GPR137B: variants seen among roughly 807,000 people sequenced by gnomAD.
GPR137B encodes the protein G protein-coupled receptor 137B.
A neutral mutation model predicts 42.5 loss-of-function variants in GPR137B; 42 were observed. The observed-to-expected ratio is 0.99, with a 90% CI of 0.77 to 1.28. GPR137B has a LOEUF of 1.28. GPR137B is among the 50% of genes most tolerant of loss of function. The probability of loss-of-function intolerance (pLI) is 0.00; values close to 1 mark genes in which losing one functional copy is unlikely to be tolerated. For synonymous variants in GPR137B, 218 were observed against 209.7 expected (o/e 1.04, Z -0.34); for missense variants, 487 against 493.9 (o/e 0.99, Z 0.13).
chr1:236,205,093 G>T (rs776735600), intron 5 of GPR137B, 33 bp from the exon 6 acceptor site: 66 of 1,564,074 alleles, frequency 4.2e-5, no homozygotes, highest in Non-Finnish European at 5.3e-5. Context: ...CATGATGTCT[G>T]TAAGTATGCT....
At chr1:236,158,244 T>C (rs1662089631) in intron 1 of GPR137B, among the ~76,000 whole-genome samples, 2 of 152,160 alleles carry the variant, frequency 1.3e-5, no homozygotes, top group African/African-American at 2.4e-5. Flanking sequence ...GCCAAAATGG[T>C]GAAACCCCTG....
At chr1:236,196,366 C>T (rs1663332172) in intron 5 of GPR137B, among the ~76,000 whole-genome samples, 3 of 152,190 alleles carry the variant, frequency 2.0e-5, no homozygotes, top group African/African-American at 7.2e-5. Flanking sequence ...TCTCGAACTC[C>T]TGACCTCAAG....
Position 236,180,044 on chromosome 1 carries a change from G to T in GPR137B, c.837+16G>T, listed in dbSNP as rs765921552. On this transcript the variant is annotated intron_variant, in intron 4 of 6. Transcript: ENST00000366592. ...ATCAGACCAGGTCAGTGGGGGCGCT[G>T]AGGAGGTGTCACCTGACCAGGGACT... is the stretch of plus-strand genomic sequence containing the variant. 31 of 1,609,712 alleles carry T rather than the reference G, an allele frequency of 1.9e-5. No homozygotes were observed. Among genetic ancestry groups the T allele is most frequent in the Non-Finnish European group, 2.6e-5 (31 of 1,175,982 alleles).
rs1196290988 is a variant in GPR137B, at chr1:236,205,164, C to T, written c.1005C>T (p.Pro335=). The change falls in exon 6 of 7, where the codon CCC becomes CCT. Residue 335 remains proline (P), a synonymous_variant. Transcript: ENST00000366592. The stretch of plus-strand genomic sequence containing the variant: ...TGGTCCCCAGCCATGGATTCAGTCC[C>T]AGATCTTATTTCTTTGACAACCCTC... ...PGMVPSHGFS[P]RSYFFDNPRR... is the part of the protein sequence containing the mutation. The T allele has an allele frequency of 6.2e-7, 1 of 1,613,026 alleles. No individual in the cohort carries two copies.
At chr1:236,165,211 C>G (rs966298695) in intron 1 of GPR137B, among the ~76,000 whole-genome samples, 1 of 152,168 alleles carries the variant, frequency 6.6e-6, no homozygotes, top group Non-Finnish European at 1.5e-5. Flanking sequence ...AGCCTGAATT[C>G]AAGATATATT....
chr1:236,184,008 C>T (rs1318638580), intron 5 of GPR137B, 102 bp downstream of exon 5: 7 of 735,944 alleles, frequency 9.5e-6, no homozygotes, highest in South Asian at 6.2e-5. Flanking sequence ...GAGCCTCTTC[C>T]TTTTGTGGTG....
chr1:236,181,313 C>G (rs971179008), intron 4 of GPR137B, among the ~76,000 whole-genome samples: 2 of 151,862 alleles, frequency 1.3e-5, no homozygotes, highest in East Asian at 3.9e-4. Context: ...AATGAACCAC[C>G]ATTCACTCAT....
intron 4 of GPR137B, among the ~76,000 whole-genome samples, chr1:236,181,333 A>T (rs779704596): frequency 8.8e-5 from 13 of 148,456 alleles, no homozygotes; most frequent in East Asian, 1.9e-4. Flanking sequence ...TTTGACAAAC[A>T]GCATTTTTTT....
rs762328576 is a variant in GPR137B at position 236,208,579 on chromosome 1, T to A, written c.*421T>A. On this transcript the variant is annotated 3_prime_UTR_variant, in exon 7 of 7. Transcript: ENST00000366592. ...TTTTTAAAGCTTTTGGACTAAAGTA[T>A]TCCACAAATCTTACCTCTTTAGGTC... is the stretch of plus-strand genomic sequence containing the variant. The A allele has an allele frequency of 1.1e-5, 11 of 965,588 alleles. No individual in the cohort carries two copies. The East Asian group carries it at 6.8e-4, about 60-fold the overall frequency. The allele number at this position is 965,588 out of a possible 1,614,324, so 59.8% of individuals were successfully genotyped here. A position where few individuals can be genotyped will look rare whatever the true frequency, so the allele number is the denominator to read the frequency against.
Position 236,179,954 on chromosome 1 carries a change from C to T in GPR137B, c.763C>T (p.Leu255=). 1 of 1,612,398 alleles carries T rather than the reference C, an allele frequency of 6.2e-7. No individual in the cohort carries two copies. Among genetic ancestry groups the T allele is most frequent in the South Asian group, 1.1e-5 (1 of 90,990 alleles). The change falls in exon 4 of 7, where the codon CTG becomes TTG. Residue 255 remains leucine, a synonymous_variant. Transcript: ENST00000366592. The stretch of plus-strand genomic sequence containing the variant: ...TTACACCTCTCGGGCCTGCTACAAC[C>T]TGTTCATCCTGTCATTTTCTCAGAA... ...LLYTSRACYN[L]FILSFSQNKS... is the part of the protein sequence containing the mutation.
intron 2 of GPR137B, among the ~76,000 whole-genome samples, chr1:236,173,098 G>A (rs958053803): frequency 6.6e-6 from 1 of 151,458 alleles, no homozygotes; most frequent in Non-Finnish European, 1.5e-5. Context: ...TTCAAGACCA[G>A]CCGTGACAAC....
Position 236,169,837 on chromosome 1 carries a change from C to T in GPR137B, c.464+1082C>T, listed in dbSNP as rs1662479586. On this transcript the variant is annotated intron_variant, in intron 2 of 6. Coordinates refer to ENST00000366592, the MANE Select transcript of GPR137B (RefSeq NM_003272.4). ...GGCTGATCACTTGAGGTCAGGAGTT[C>T]GAGACCAGCCTGGCCAACATAGTGA... is the stretch of plus-strand genomic sequence containing the variant. Among the ~76,000 whole-genome samples the T allele has an allele frequency of 2.6e-5, 4 of 151,922 alleles. No homozygotes were observed. The South Asian group carries it at 6.2e-4, about 24-fold the overall frequency.
chr1:236,169,137 T>C (rs1351435993), intron 2 of GPR137B, among the ~76,000 whole-genome samples: 1 of 152,104 alleles, frequency 6.6e-6, no homozygotes, highest in Non-Finnish European at 1.5e-5. Context: ...TGCCAGGTGC[T>C]TCCCCTTCCC....
At position 236,171,908 on chromosome 1, in the gene GPR137B, G is replaced by C. The variant is rs372181681; in HGVS notation, c.464+3153G>C. Among the ~76,000 whole-genome samples, 118 of 152,134 alleles carry C rather than the reference G, an allele frequency of 7.8e-4. 3 individuals carry two copies. The South Asian group carries it at 0.024, about 31-fold the overall frequency. On this transcript the variant is annotated intron_variant, in intron 2 of 6. Transcript: ENST00000366592. This position sits in a 1 kb window ranked among gnomAD's most constrained non-coding sequence, Gnocchi z 4.4. ...ACAAAAATTAGCCAGGCATGATGGC[G>C]CATGCCTGTAATCCCAGCTACTTGG...
chr1:236,205,566 G>T (rs148597577), intron 6 of GPR137B, among the ~76,000 whole-genome samples: 2 of 152,114 alleles, frequency 1.3e-5, no homozygotes, highest in East Asian at 3.9e-4. Flanking sequence ...TGGAGATAGG[G>T]TCTCACTCTG....
At chr1:236,153,623 C>T (rs969453380) in intron 1 of GPR137B, among the ~76,000 whole-genome samples, 6 of 152,214 alleles carry the variant, frequency 3.9e-5, no homozygotes, top group African/African-American at 1.2e-4. Context: ...ATTCTCGCTG[C>T]GTGGAACTTA....
chr1:236,157,898 T>C (rs1243144477), intron 1 of GPR137B, among the ~76,000 whole-genome samples: 1 of 152,080 alleles, frequency 6.6e-6, no homozygotes, highest in Non-Finnish European at 1.5e-5. Context: ...AAACACATAG[T>C]CATGAGGGAA....
chr1:236,168,148 C>T (rs188626456), intron 1 of GPR137B, among the ~76,000 whole-genome samples: 52 of 152,104 alleles, frequency 3.4e-4, no homozygotes, highest in African/African-American at 1.1e-3. Context: ...ATCTTAAGGC[C>T]GGGTGTGGTG....
Position 236,183,821 on chromosome 1 carries a change from T to A in GPR137B, c.881T>A (p.Phe294Tyr), listed in dbSNP as rs748935079. 6.2e-7 allele frequency: 1 copy of A among 1,604,742 alleles called. No homozygotes were observed. Among genetic ancestry groups the A allele is most frequent in the East Asian group, 2.2e-5 (1 of 44,772 alleles). ...CTGGGAGATGCTGGATACGTATTAT[T>A]TGGAGTGGTGTTATTTGTTTGGGAA... ...NQLGDAGYVL[F>Y]GVVLFVWELL... Residue 294 changes from phenylalanine to tyrosine, a missense_variant, in exon 5 of 7, where the codon TTT becomes TAT. Phe to Tyr is a conservative substitution (Grantham distance 22, BLOSUM62 3). Coordinates refer to ENST00000366592, the MANE Select transcript of GPR137B (RefSeq NM_003272.4).
Sources: gnomAD v4.1 joint callset for allele counts (sites outside exome capture counted in the v4.1 genomes callset) on GRCh38, gnomAD v4.1.1 for gene constraint, Gnocchi (gnomAD v3.1) non-coding constraint, MANE v1.5 for transcripts, NCBI Gene and HGNC (gene_info 2026-07-23, HGNC 2026-07-21) for gene names.